CCBE1: variants seen among roughly 807,000 people sequenced by gnomAD.
CCBE1 encodes collagen and calcium-binding EGF domain-containing protein 1.
In CCBE1, 37 loss-of-function variants were observed where a neutral mutation model predicts 50.0. That is an observed-to-expected ratio of 0.74 (90% CI 0.57 to 0.97). The LOEUF (loss-of-function observed/expected upper bound fraction) is 0.97. Ranked by LOEUF, CCBE1 falls within the 50% of genes least tolerant of loss-of-function variation. CCBE1 has a pLI of 0.00. For missense variants in CCBE1, 538 were observed against 523.8 expected (o/e 1.03, Z -0.26); for synonymous variants, 234 against 203.7 (o/e 1.15, Z -1.27).
At chr18:59,621,460 C>A (rs1234672751) in intron 2 of CCBE1, among the ~76,000 whole-genome samples, 1 of 152,216 alleles carries the variant, frequency 6.6e-6, no homozygotes, top group Non-Finnish European at 1.5e-5. Flanking sequence ...AGATGAGATT[C>A]CTGAGCCATT....
intron 2 of CCBE1, among the ~76,000 whole-genome samples, chr18:59,612,437 G>A (rs1219282348): frequency 6.6e-6 from 1 of 152,126 alleles, no homozygotes; most frequent in Non-Finnish European, 1.5e-5. Flanking sequence ...CAGCAAAAAG[G>A]CTACAGCAAT....
intron 2 of CCBE1, 78 bp downstream of exon 2, chr18:59,696,551 A>C (rs1599147007): frequency 6.2e-7 from 1 of 1,601,788 alleles, no homozygotes; most frequent in East Asian, 2.2e-5. Flanking sequence ...GCGTCTCCAA[A>C]CCCCTCCTTT....
chr18:59,631,788 G>A (rs1182585358), intron 2 of CCBE1, among the ~76,000 whole-genome samples: 1 of 152,180 alleles, frequency 6.6e-6, no homozygotes, highest in African/African-American at 2.4e-5. Flanking sequence ...TCTGCATCAG[G>A]GAGGTAGAAA....
chr18:59,611,135 C>G, intron 2 of CCBE1, among the ~76,000 whole-genome samples: 1 of 152,222 alleles, frequency 6.6e-6, no homozygotes, highest in South Asian at 2.1e-4. Context: ...ATCTCACCAC[C>G]GGCTCTGCCT....
chr18:59,585,839 C>T (rs1308938911), intron 2 of CCBE1, among the ~76,000 whole-genome samples: 1 of 152,146 alleles, frequency 6.6e-6, no homozygotes, highest in Non-Finnish European at 1.5e-5. Context: ...GTCAAAGTGG[C>T]ATGTCCTATT....
At chr18:59,668,549 T>C (rs903275527) in intron 2 of CCBE1, among the ~76,000 whole-genome samples, 1 of 152,146 alleles carries the variant, frequency 6.6e-6, no homozygotes, top group Non-Finnish European at 1.5e-5. Flanking sequence ...CAGAAAAATA[T>C]TCATTGAAAT....
chr18:59,691,395 AGATTTTTT>A (rs1471147035), intron 2 of CCBE1, among the ~76,000 whole-genome samples: 1 of 54,606 alleles, frequency 1.8e-5, no homozygotes, highest in African/African-American at 4.3e-5. Context: ...CTTCTTCACA[AGATTTTTT>A]GTTTGTTTGT....
At chr18:59,513,989 C>T (rs1267163168) in intron 2 of CCBE1, among the ~76,000 whole-genome samples, 2 of 152,126 alleles carry the variant, frequency 1.3e-5, no homozygotes, top group African/African-American at 4.8e-5. Flanking sequence ...CTGCAGGGAC[C>T]CCAGTAGCCA....
At chr18:59,561,137 T>C (rs1344396400) in intron 2 of CCBE1, among the ~76,000 whole-genome samples, 1 of 152,184 alleles carries the variant, frequency 6.6e-6, no homozygotes, top group Non-Finnish European at 1.5e-5. Context: ...GCAGTGTAAA[T>C]GATAATCACC....
At chr18:59,559,945 G>C (rs975922840) in intron 2 of CCBE1, among the ~76,000 whole-genome samples, 1 of 152,162 alleles carries the variant, frequency 6.6e-6, no homozygotes, top group African/African-American at 2.4e-5. Flanking sequence ...AGCCAGGAAC[G>C]GTTTGCCTTC....
intron 2 of CCBE1, among the ~76,000 whole-genome samples, chr18:59,656,329 AT>A (rs2054188810): frequency 6.6e-6 from 1 of 152,232 alleles, no homozygotes; most frequent in South Asian, 2.1e-4. Context: ...TAGAGCAGAA[AT>A]TTTAATCACC....
chr18:59,461,880 C>T (rs1911499910), intron 5 of CCBE1, among the ~76,000 whole-genome samples: 1 of 151,812 alleles, frequency 6.6e-6, no homozygotes, highest in Non-Finnish European at 1.5e-5. Flanking sequence ...TTACAGGCGC[C>T]TGCCACCACG....
chr18:59,439,648 A>G, intron 8 of CCBE1, 29 bp downstream of exon 8: 1 of 1,614,230 alleles, frequency 6.2e-7, no homozygotes, highest in Non-Finnish European at 8.5e-7. Flanking sequence ...TCCCCCAAAA[A>G]GGAAGTGGAT....
chr18:59,671,951 G>A (rs2144711409), intron 2 of CCBE1, among the ~76,000 whole-genome samples: 1 of 152,184 alleles, frequency 6.6e-6, no homozygotes, highest in South Asian at 2.1e-4. Flanking sequence ...GACAAATTCA[G>A]CTAAGGCAAA....
At chr18:59,442,885 A>AGT (rs1251949850) in intron 7 of CCBE1, among the ~76,000 whole-genome samples, 1 of 152,174 alleles carries the variant, frequency 6.6e-6, no homozygotes, top group Non-Finnish European at 1.5e-5. Context: ...ACATGGGGTG[A>AGT]GTGCTCTCTG....
intron 2 of CCBE1, among the ~76,000 whole-genome samples, chr18:59,689,836 C>A (rs182546199): frequency 6.6e-6 from 1 of 152,112 alleles, no homozygotes; most frequent in Non-Finnish European, 1.5e-5. Flanking sequence ...AAGAAACTTG[C>A]GGTACATGCT....
At chr18:59,564,301 A>C (rs992026) in intron 2 of CCBE1, among the ~76,000 whole-genome samples, 10,097 of 152,274 alleles carry the variant, frequency 0.066, 458 homozygotes, top group African/African-American at 0.13. Flanking sequence ...CATTTGACAT[A>C]ATTCTCTCAA....
At position 59,561,478 on chromosome 18, in the gene CCBE1, G is replaced by A. The variant is rs118098958; in HGVS notation, c.213-81240C>T. On this transcript the variant is annotated intron_variant, in intron 2 of 10. Transcript: ENST00000439986. ...ACATCCGGCCACAGTGACTCAGTGA[G>A]TTTAGAGTGCAGGCGTGTAACTCCA... Among the ~76,000 whole-genome samples, 88 of 152,308 alleles carry A rather than the reference G, an allele frequency of 5.8e-4. 4 individuals are homozygous for A. The East Asian group carries it at 0.015, about 26-fold the overall frequency.
At chr18:59,458,221 C>T (rs140120158) in intron 5 of CCBE1, among the ~76,000 whole-genome samples, 300 of 137,970 alleles carry the variant, frequency 2.2e-3, no homozygotes, top group African/African-American at 7.4e-3. Context: ...AACCACTTAT[C>T]AATAAGTCTG....
Sources: gnomAD v4.1 joint callset for allele counts (sites outside exome capture counted in the v4.1 genomes callset) on GRCh38, gnomAD v4.1.1 for gene constraint, MANE v1.5 for transcripts, NCBI Gene and HGNC (gene_info 2026-07-23, HGNC 2026-07-21) for gene names.